The following TIAM2 variants were observed in gnomAD, a reference collection of about 807,000 sequenced individuals.
TIAM2 encodes the protein rho guanine nucleotide exchange factor TIAM2.
Under a neutral mutation model 152.9 loss-of-function variants are expected in TIAM2, and 80 were observed. The ratio of observed to expected loss-of-function variants is 0.52; its 90% CI spans 0.44 to 0.63. TIAM2 has a LOEUF of 0.63. Ranked by LOEUF, TIAM2 falls within the 30% of genes least tolerant of loss-of-function variation. The probability of loss-of-function intolerance (pLI) is 0.00; values close to 1 mark genes in which losing one functional copy is unlikely to be tolerated. For synonymous variants in TIAM2, 804 were observed against 838.0 expected (o/e 0.96, Z 0.70); for missense variants, 1,965 against 2,120.1 (o/e 0.93, Z 1.44).
rs373859650 is a variant in TIAM2 at position 155,237,257 on chromosome 6, T to G, written c.3169-3273T>G. 2.4e-4 allele frequency among the ~76,000 whole-genome samples: 36 copies of G among 152,372 alleles called. 1 individual carries two copies. The highest frequency in any genetic ancestry group is 1.9e-3 in the East Asian group (10 of 5,186). On this transcript the variant is annotated intron_variant, in intron 15 of 26. Transcript: ENST00000682666. ...TCCAAAATGATCTCCTTTGACTCCA[T>G]GTCTCACATCCAGGTCACACTGATG...
At chr6:155,079,896 C>T (rs1463431072) in intron 1 of TIAM2, among the ~76,000 whole-genome samples, 1 of 152,144 alleles carries the variant, frequency 6.6e-6, no homozygotes, top group Non-Finnish European at 1.5e-5. Flanking sequence ...TGCAGTGAGA[C>T]GAGACTGTGC....
At position 155,053,790 on chromosome 6, in the gene TIAM2, T is replaced by G. The variant is rs139473720; in HGVS notation, c.-208-36499T>G. Among the ~76,000 whole-genome samples the G allele has an allele frequency of 1.2e-3, 181 of 152,272 alleles. 1 individual carries two copies. Among genetic ancestry groups the G allele is most frequent in the African/African-American group, 4.0e-3 (165 of 41,562 alleles). ...CTGGCCTAGCAAACACCCTTTTGAT[T>G]ATGATTTGTAATCCATGTTTATCTG... is the stretch of plus-strand genomic sequence containing the variant. On this transcript the variant is annotated intron_variant, in intron 1 of 26. Coordinates refer to ENST00000682666, the MANE Select transcript of TIAM2 (RefSeq NM_012454.4).
chr6:155,123,804 C>T (rs1386808550), intron 2 of TIAM2, among the ~76,000 whole-genome samples: 1 of 152,072 alleles, frequency 6.6e-6, no homozygotes, highest in Non-Finnish European at 1.5e-5. Context: ...CGGCCGGGAG[C>T]CTTTCGCCTC....
rs1377437500 is a variant in TIAM2 at position 155,130,352 on chromosome 6, A to C, written c.1129A>C (p.Lys377Gln). 1 of 1,614,074 alleles carries C rather than the reference A, an allele frequency of 6.2e-7. No homozygotes were observed. Among genetic ancestry groups the C allele is most frequent in the Admixed American group, 1.7e-5 (1 of 60,018 alleles). ...VEDTAKKDSL[K>Q]ARMRRISDWT... ...GGATACTGCGAAGAAGGACTCCCTCAAAGCCAGGATGCGACGGATCAGTGA... is the reference window on the plus strand; with the variant it reads ...GGATACTGCGAAGAAGGACTCCCTCCAAGCCAGGATGCGACGGATCAGTGA... The change falls in exon 4 of 27, where the codon AAA becomes CAA. Residue 377 changes from lysine (K) to glutamine (Q), a missense_variant. Coordinates refer to ENST00000682666, the MANE Select transcript of TIAM2 (RefSeq NM_012454.4).
intron 2 of TIAM2, among the ~76,000 whole-genome samples, chr6:155,099,716 G>A (rs549685458): frequency 6.6e-6 from 1 of 152,124 alleles, no homozygotes; most frequent in East Asian, 1.9e-4. Context: ...GATTTGTCTG[G>A]GTTTATCTGA....
chr6:155,087,646 G>A (rs1163488418), intron 1 of TIAM2, among the ~76,000 whole-genome samples: 1 of 152,060 alleles, frequency 6.6e-6, no homozygotes, highest in Non-Finnish European at 1.5e-5. Context: ...CTGCTTGGGA[G>A]GCTGAGGCAG....
At chr6:155,252,267 T>A (rs1300239505) in intron 23 of TIAM2, among the ~76,000 whole-genome samples, 2 of 152,124 alleles carry the variant, frequency 1.3e-5, no homozygotes, top group African/African-American at 4.8e-5. Context: ...AGCCCAGGAA[T>A]TTGAGACCAG....
chr6:155,168,992 GTTTGTT>G (rs1180659167), intron 9 of TIAM2: 51 of 1,329,452 alleles, frequency 3.8e-5, no homozygotes, highest in Middle Eastern at 1.9e-4. Flanking sequence ...GTTTTTTTTT[GTTTGTT>G]TTTGTTTTTG....
At chr6:155,250,180 G>A (rs763582085) in intron 21 of TIAM2, among the ~76,000 whole-genome samples, 9 of 152,024 alleles carry the variant, frequency 5.9e-5, no homozygotes, top group Non-Finnish European at 1.2e-4. Flanking sequence ...CTTATGTCAC[G>A]TTCACATTGT....
At chr6:155,128,353 T>C (rs1779345440) in intron 3 of TIAM2, among the ~76,000 whole-genome samples, 1 of 152,132 alleles carries the variant, frequency 6.6e-6, no homozygotes, top group Admixed American at 6.6e-5. Flanking sequence ...CCTTTTTCTT[T>C]TGTGGTATTC....
chr6:155,106,328 A>G (rs1286465242), intron 2 of TIAM2, among the ~76,000 whole-genome samples: 1 of 152,140 alleles, frequency 6.6e-6, no homozygotes, highest in East Asian at 1.9e-4. Context: ...TTTAAAATGT[A>G]AGGTCTTTCA....
At chr6:155,206,449 A>G (rs1240852138) in intron 14 of TIAM2, among the ~76,000 whole-genome samples, 1 of 152,004 alleles carries the variant, frequency 6.6e-6, no homozygotes, top group Non-Finnish European at 1.5e-5. Flanking sequence ...GTTAGCCAGG[A>G]TGGTCTCGAT....
intron 21 of TIAM2, 131 bp downstream of exon 21, chr6:155,250,100 G>A: frequency 1.6e-6 from 1 of 633,308 alleles, no homozygotes; most frequent in South Asian, 2.1e-5. Context: ...TGATAACAAT[G>A]TGTCTAATGA....
At chr6:155,049,092 T>G (rs1259878778) in intron 1 of TIAM2, among the ~76,000 whole-genome samples, 1 of 152,174 alleles carries the variant, frequency 6.6e-6, no homozygotes, top group East Asian at 1.9e-4. Flanking sequence ...TGAGCCACCA[T>G]GCCCAGCCTT....
At chr6:155,172,691 T>G (rs4031534) in intron 9 of TIAM2, among the ~76,000 whole-genome samples, 2 of 41,462 alleles carry the variant, frequency 4.8e-5, no homozygotes, top group Admixed American at 4.3e-4. Context: ...TATATATTTT[T>G]TTTTTTTTTT....
intron 2 of TIAM2, among the ~76,000 whole-genome samples, chr6:155,118,915 G>A (rs1779084309): frequency 6.7e-6 from 1 of 148,782 alleles, no homozygotes. Flanking sequence ...GACCTAATCT[G>A]TGGTGTCCAG....
At chr6:155,082,666 C>CAATAAATA (rs200019932) in intron 1 of TIAM2, among the ~76,000 whole-genome samples, 13,116 of 141,128 alleles carry the variant, frequency 0.093, 721 homozygotes, top group African/African-American at 0.12. Context: ...AAAAAAACCC[C>CAATAAATA]AATAAATAAA....
At chr6:155,059,294 CTG>C (rs56013145) in intron 1 of TIAM2, among the ~76,000 whole-genome samples, 9,181 of 117,174 alleles carry the variant, frequency 0.078, 469 homozygotes, top group East Asian at 0.24. Flanking sequence ...GTGTGTGTGT[CTG>C]TGTGTGTGTG....
intron 2 of TIAM2, among the ~76,000 whole-genome samples, chr6:155,105,263 A>G (rs1335936950): frequency 6.6e-6 from 1 of 152,026 alleles, no homozygotes; most frequent in East Asian, 1.9e-4. Flanking sequence ...GAGTTCTCCC[A>G]CTTCAGCCTC....
Sources: gnomAD v4.1 joint callset for allele counts (sites outside exome capture counted in the v4.1 genomes callset) on GRCh38, gnomAD v4.1.1 for gene constraint, MANE v1.5 for transcripts, NCBI Gene and HGNC (gene_info 2026-07-23, HGNC 2026-07-21) for gene names.